The following HHAT variants were observed in gnomAD, a reference collection of about 807,000 sequenced individuals.
The protein encoded by HHAT is hedgehog acyltransferase, also known as protein-cysteine N-palmitoyltransferase HHAT.
In HHAT, 47 loss-of-function variants were observed where a neutral mutation model predicts 70.8. The observed-to-expected ratio is 0.66, with a 90% CI of 0.53 to 0.85. The LOEUF is 0.85. Among genes scored for constraint, HHAT ranks in the 40% least tolerant of loss-of-function variants. The pLI is 0.00. For missense variants in HHAT, 609 were observed against 604.8 expected (o/e 1.01, Z -0.07); for synonymous variants, 228 against 247.6 (o/e 0.92, Z 0.74).
At chr1:210,385,589 CAG>C (rs1164751368) in intron 3 of HHAT, among the ~76,000 whole-genome samples, 1 of 152,202 alleles carries the variant, frequency 6.6e-6, no homozygotes, top group Non-Finnish European at 1.5e-5. Context: ...CAGCAAGGGA[CAG>C]GGGCTTTATG....
At chr1:210,574,145 T>C (rs767426933) in intron 9 of HHAT, among the ~76,000 whole-genome samples, 10 of 152,076 alleles carry the variant, frequency 6.6e-5, no homozygotes, top group Non-Finnish European at 1.0e-4. Flanking sequence ...TTGAAAGAGA[T>C]CATCTAGATT....
chr1:210,370,301 A>G lies in HHAT; in HGVS notation c.159+7382A>G, dbSNP rs146731616. ...GCGATTCTCCTGCCTCAGCCTCCCA[A>G]GTACCTGGGATTACAGGTGCCCATC... On this transcript the variant is annotated intron_variant, in intron 3 of 11. Coordinates refer to ENST00000261458, the MANE Select transcript of HHAT (RefSeq NM_018194.6). 8.3e-3 allele frequency among the ~76,000 whole-genome samples: 1,244 copies of G among 150,630 alleles called. 12 individuals are homozygous for G. The highest frequency in any genetic ancestry group is 0.029 in the African/African-American group (1,167 of 40,936).
intron 9 of HHAT, among the ~76,000 whole-genome samples, chr1:210,562,702 T>C (rs59420061): frequency 0.061 from 9,284 of 151,726 alleles, 906 homozygotes; most frequent in African/African-American, 0.2. Flanking sequence ...ATGTGCACAA[T>C]GTGCAGGTTA....
At chr1:210,349,660 T>C (rs1424095435) in intron 2 of HHAT, among the ~76,000 whole-genome samples, 2 of 151,470 alleles carry the variant, frequency 1.3e-5, no homozygotes, top group South Asian at 4.2e-4. Flanking sequence ...AACTTTTTTT[T>C]TTTTTTTTTG....
intron 10 of HHAT, among the ~76,000 whole-genome samples, chr1:210,593,423 C>G (rs985831807): frequency 2.0e-5 from 3 of 152,074 alleles, no homozygotes; most frequent in Non-Finnish European, 4.4e-5. Context: ...TTAAGTTCTT[C>G]ATTGACCCTC....
chr1:210,391,696 C>T (rs1381281084), intron 4 of HHAT, among the ~76,000 whole-genome samples: 1 of 152,144 alleles, frequency 6.6e-6, no homozygotes, highest in Non-Finnish European at 1.5e-5. Flanking sequence ...AATAAGATAA[C>T]ATTCTATGCT....
intron 8 of HHAT, among the ~76,000 whole-genome samples, chr1:210,510,093 T>G (rs1156434738): frequency 6.6e-6 from 1 of 152,196 alleles, no homozygotes; most frequent in East Asian, 1.9e-4. Context: ...TTTCAGAGAT[T>G]GTTATATTTT....
intron 8 of HHAT, among the ~76,000 whole-genome samples, chr1:210,501,189 G>A (rs975834690): frequency 6.6e-6 from 1 of 152,210 alleles, no homozygotes; most frequent in East Asian, 1.9e-4. Context: ...AGCCTCTAAT[G>A]CCATGCCTGG....
At chr1:210,526,446 A>G (rs2095251294) in intron 9 of HHAT, among the ~76,000 whole-genome samples, 1 of 150,196 alleles carries the variant, frequency 6.7e-6, no homozygotes, top group African/African-American at 2.4e-5. Flanking sequence ...GGGGGAGCGC[A>G]TGATCTTTAG....
At chr1:210,564,255 G>A (rs1241151932) in intron 9 of HHAT, among the ~76,000 whole-genome samples, 2 of 151,974 alleles carry the variant, frequency 1.3e-5, no homozygotes, top group Non-Finnish European at 2.9e-5. Flanking sequence ...GAGCCACCGC[G>A]CCTGGCTTCA....
intron 9 of HHAT, among the ~76,000 whole-genome samples, chr1:210,578,425 T>C (rs1483627779): frequency 6.6e-6 from 1 of 152,080 alleles, no homozygotes; most frequent in Non-Finnish European, 1.5e-5. Flanking sequence ...GGAGATTCCT[T>C]AAAAAAATAA....
intron 2 of HHAT, among the ~76,000 whole-genome samples, chr1:210,361,558 G>T (rs565083115): frequency 6.6e-6 from 1 of 151,660 alleles, no homozygotes; most frequent in East Asian, 1.9e-4. Flanking sequence ...CATCTGGTGT[G>T]TGTGAATCTG....
At position 210,409,894 on chromosome 1, in the gene HHAT, A is replaced by G. The variant is rs75787986; in HGVS notation, c.684+5215A>G. On this transcript the variant is annotated intron_variant, in intron 6 of 11. Transcript: ENST00000261458. ...GTGATGCCTGAACTTCACAATTTCC[A>G]TGGTGGCAGTTTCCAGTGGTCTAAA... is the stretch of plus-strand genomic sequence containing the variant. 9.9e-3 allele frequency among the ~76,000 whole-genome samples: 1,503 copies of G among 152,248 alleles called. 32 individuals carry two copies. Among genetic ancestry groups the G allele is most frequent in the African/African-American group, 0.034 (1,424 of 41,552 alleles).
chr1:210,498,776 T>C (rs550221874), intron 8 of HHAT, among the ~76,000 whole-genome samples: 22 of 78,698 alleles, frequency 2.8e-4, no homozygotes, highest in African/African-American at 7.3e-4. Flanking sequence ...TTTTTTTTCT[T>C]TTTTTTTTTT....
At chr1:210,649,489 C>T (rs1674696747) in intron 11 of HHAT, among the ~76,000 whole-genome samples, 1 of 152,244 alleles carries the variant, frequency 6.6e-6, no homozygotes, top group African/African-American at 2.4e-5. Context: ...TGGGACCTAA[C>T]ATCACCATGA....
intron 10 of HHAT, 127 bp from the exon 11 acceptor site, chr1:210,623,399 A>T: frequency 9.8e-7 from 1 of 1,022,312 alleles, no homozygotes; most frequent in Non-Finnish European, 1.5e-6. Flanking sequence ...AGAGCTGTTT[A>T]AATAATGACC....
At chr1:210,342,519 A>T (rs58232186) in intron 1 of HHAT, among the ~76,000 whole-genome samples, 3,138 of 152,194 alleles carry the variant, frequency 0.021, 137 homozygotes, top group African/African-American at 0.072. Context: ...GTAGACTGCT[A>T]CTTAAACACA....
At chr1:210,655,622 T>A (rs1187180174) in intron 11 of HHAT, among the ~76,000 whole-genome samples, 7 of 152,192 alleles carry the variant, frequency 4.6e-5, no homozygotes, top group Admixed American at 4.6e-4. Flanking sequence ...AGAGGTTCCC[T>A]CAGAGCAGGG....
At chr1:210,624,570 T>C (rs1558301022) in intron 11 of HHAT, among the ~76,000 whole-genome samples, 2 of 152,212 alleles carry the variant, frequency 1.3e-5, no homozygotes, top group South Asian at 2.1e-4. Flanking sequence ...GTGTGAATAC[T>C]AGGGGCCAAC....
Sources: allele counts gnomAD v4.1 joint callset (sites outside exome capture counted in the v4.1 genomes callset), GRCh38; gene constraint gnomAD v4.1.1; transcripts MANE v1.5; gene names NCBI Gene and HGNC (gene_info 2026-07-23, HGNC 2026-07-21).